EFNA5: variants seen among roughly 807,000 people sequenced by gnomAD.
The protein encoded by EFNA5 is ephrin A5.
Under a neutral mutation model 22.9 loss-of-function variants are expected in EFNA5, and 5 were observed. The ratio of observed to expected loss-of-function variants is 0.22; its 90% CI spans 0.11 to 0.46. The LOEUF (loss-of-function observed/expected upper bound fraction) is 0.46. Ranked by LOEUF, EFNA5 falls within the 20% of genes least tolerant of loss-of-function variation. The pLI is 0.99. For missense variants in EFNA5, 237 were observed against 293.3 expected (o/e 0.81, Z 1.40); for synonymous variants, 113 against 112.2 (o/e 1.01, Z -0.04).
At chr5:107,387,826 A>C in intron 2 of EFNA5, 55 bp from the exon 3 acceptor site, 1 of 1,220,638 alleles carries the variant, frequency 8.2e-7, no homozygotes, top group East Asian at 2.3e-5. Context: ...ACAACATATT[A>C]CTCTTCATTT....
chr5:107,559,386 C>A (rs1343614735), intron 1 of EFNA5, among the ~76,000 whole-genome samples: 1 of 152,154 alleles, frequency 6.6e-6, no homozygotes, highest in East Asian at 1.9e-4. Context: ...ATATTTGCAA[C>A]CCTCTTAGGA....
At chr5:107,585,464 A>G (rs993095945) in intron 1 of EFNA5, among the ~76,000 whole-genome samples, 21 of 152,228 alleles carry the variant, frequency 1.4e-4, no homozygotes, top group African/African-American at 5.1e-4. Flanking sequence ...AAAAGAGGGA[A>G]TGATAGCTCA....
intron 1 of EFNA5, among the ~76,000 whole-genome samples, chr5:107,646,337 C>T (rs1443584787): frequency 2.0e-5 from 3 of 152,168 alleles, no homozygotes; most frequent in South Asian, 2.1e-4. Flanking sequence ...ACATGTCGTA[C>T]ATCTTATATA....
intron 1 of EFNA5, among the ~76,000 whole-genome samples, chr5:107,447,534 G>A (rs1749428797): frequency 6.6e-6 from 1 of 152,168 alleles, no homozygotes; most frequent in African/African-American, 2.4e-5. Context: ...ACAGTCTAGT[G>A]GGGAAGGCAG....
intron 2 of EFNA5, among the ~76,000 whole-genome samples, chr5:107,389,185 A>G (rs1303376118): frequency 6.6e-6 from 1 of 152,230 alleles, no homozygotes; most frequent in African/African-American, 2.4e-5. Flanking sequence ...AAGTGCTAAC[A>G]GCTGGCTTTG....
intron 1 of EFNA5, among the ~76,000 whole-genome samples, chr5:107,510,061 C>T (rs539243892): frequency 1.3e-5 from 2 of 152,222 alleles, no homozygotes; most frequent in South Asian, 2.1e-4. Flanking sequence ...TTCTTAGCCA[C>T]AGGATGAGAT....
At chr5:107,450,168 G>A (rs530658901) in intron 1 of EFNA5, among the ~76,000 whole-genome samples, 110 of 152,284 alleles carry the variant, frequency 7.2e-4, no homozygotes, top group African/African-American at 2.6e-3. Flanking sequence ...AGTTGTGAGA[G>A]AGGGAACGGG....
chr5:107,527,674 T>C (rs533753132), intron 1 of EFNA5, among the ~76,000 whole-genome samples: 1 of 152,204 alleles, frequency 6.6e-6, no homozygotes. Flanking sequence ...AAAATCATTC[T>C]ATTGTTAAAA....
intron 1 of EFNA5, among the ~76,000 whole-genome samples, chr5:107,510,645 T>C (rs530043305): frequency 1.3e-5 from 2 of 152,330 alleles, no homozygotes; most frequent in South Asian, 4.1e-4. Context: ...TTAGTACGTT[T>C]TCTTGAATAT....
intron 1 of EFNA5, among the ~76,000 whole-genome samples, chr5:107,660,281 T>TATATATATATATATATATATATATAA (rs1750921535): frequency 1.8e-5 from 1 of 55,622 alleles, no homozygotes; most frequent in Non-Finnish European, 3.7e-5. Context: ...TATATATATA[T>TATATATATATATATATATATATATAA]ATATATATAT....
chr5:107,438,550 G>A (rs1473130199), intron 1 of EFNA5, among the ~76,000 whole-genome samples: 1 of 152,182 alleles, frequency 6.6e-6, no homozygotes, highest in Non-Finnish European at 1.5e-5. Context: ...ATGTCCAGGG[G>A]TTTGCTCCAG....
At chr5:107,652,990 GC>G (rs1214798121) in intron 1 of EFNA5, among the ~76,000 whole-genome samples, 1 of 151,626 alleles carries the variant, frequency 6.6e-6, no homozygotes, top group Non-Finnish European at 1.5e-5. Flanking sequence ...CCCATCTGAT[GC>G]CCCAGGGATG....
intron 1 of EFNA5, among the ~76,000 whole-genome samples, chr5:107,646,214 G>C (rs1285068987): frequency 6.6e-6 from 1 of 152,108 alleles, no homozygotes; most frequent in Admixed American, 6.5e-5. Flanking sequence ...TAGTAATATT[G>C]TGTTGTATAC....
chr5:107,569,437 A>G (rs1748731812), intron 1 of EFNA5, among the ~76,000 whole-genome samples: 1 of 143,688 alleles, frequency 7.0e-6, no homozygotes, highest in Non-Finnish European at 1.5e-5. Flanking sequence ...GTGTATATAT[A>G]TATTTATATA....
At chr5:107,533,009 C>T (rs537026573) in intron 1 of EFNA5, among the ~76,000 whole-genome samples, 17 of 152,202 alleles carry the variant, frequency 1.1e-4, no homozygotes, top group African/African-American at 4.1e-4. Flanking sequence ...CAGCTAAAGA[C>T]GGAGCTCCTG....
intron 1 of EFNA5, among the ~76,000 whole-genome samples, chr5:107,520,997 T>A (rs530686567): frequency 6.6e-6 from 1 of 152,330 alleles, no homozygotes; most frequent in Admixed American, 6.5e-5. Context: ...AAGATAAATG[T>A]AATATGATTT....
chr5:107,565,090 C>T (rs1748636104), intron 1 of EFNA5, among the ~76,000 whole-genome samples: 1 of 152,064 alleles, frequency 6.6e-6, no homozygotes, highest in Non-Finnish European at 1.5e-5. Flanking sequence ...TAATTGGCAC[C>T]AACCAGGAAG....
intron 1 of EFNA5, among the ~76,000 whole-genome samples, chr5:107,618,974 T>G (rs1333653640): frequency 1.3e-5 from 2 of 151,496 alleles, no homozygotes. Context: ...CAGGCTGGAG[T>G]GCAGTGGTGC....
intron 1 of EFNA5, among the ~76,000 whole-genome samples, chr5:107,556,155 A>G (rs1253371743): frequency 6.6e-6 from 1 of 152,182 alleles, no homozygotes; most frequent in Non-Finnish European, 1.5e-5. Flanking sequence ...TAAACATGCT[A>G]TCCCCATCAA....
Sources: gnomAD v4.1 joint callset for allele counts (sites outside exome capture counted in the v4.1 genomes callset) on GRCh38, gnomAD v4.1.1 for gene constraint, MANE v1.5 for transcripts, NCBI Gene and HGNC (gene_info 2026-07-23, HGNC 2026-07-21) for gene names.